The following MSRA variants were observed in gnomAD, a reference collection of about 807,000 sequenced individuals.
MSRA encodes the protein methionine sulfoxide reductase A.
A neutral mutation model predicts 31.3 loss-of-function variants in MSRA; 54 were observed. That is an observed-to-expected ratio of 1.73 (90% confidence interval 1.39 to 2.17). The LOEUF (loss-of-function observed/expected upper bound fraction) is 2.17, where lower values mean the gene tolerates loss of function less well. Ranked by LOEUF, MSRA falls within the 30% of genes most tolerant of loss-of-function variation. MSRA has a pLI of 0.00. For synonymous variants in MSRA, 169 were observed against 116.5 expected (o/e 1.45, Z -2.90); for missense variants, 507 against 300.9 (o/e 1.69, Z -5.07).
intron 5 of MSRA, among the ~76,000 whole-genome samples, chr8:10,373,603 A>G (rs1468436515): frequency 6.6e-6 from 1 of 152,234 alleles, no homozygotes; most frequent in Non-Finnish European, 1.5e-5. Flanking sequence ...GAAGCAGGGC[A>G]GGAACTGGGC....
rs1554447231 is a variant in MSRA at position 10,113,289 on chromosome 8, C to CCTTTTTTTTTTTTTTT, written c.142+58631_142+58632insCTTTTTTTTTTTTTTT. On this transcript the variant is annotated intron_variant, in intron 1 of 5. Transcript: ENST00000317173. ...AGGCATGGCTTTGGTGAAGACAGGTCTTCTTTTTTTTTTTTTTTTTTTTTT... is the reference window on the plus strand; with the variant it reads ...AGGCATGGCTTTGGTGAAGACAGGTCCTTTTTTTTTTTTTTTTTCTTTTTTTTTTTTTTTTTTTTTT... Among the ~76,000 whole-genome samples, 4 of 50,906 alleles carry CCTTTTTTTTTTTTTTT rather than the reference C, an allele frequency of 7.9e-5. No individual in the cohort carries two copies. In the Admixed American group the frequency reaches 1.2e-3, roughly 15 times the overall value. The allele number at this position is 50,906 out of a possible 152,430, so 33.4% of individuals were successfully genotyped here.
At chr8:10,081,012 G>C (rs1488206999) in intron 1 of MSRA, among the ~76,000 whole-genome samples, 1 of 152,230 alleles carries the variant, frequency 6.6e-6, no homozygotes. Flanking sequence ...GCTGAGGTTG[G>C]ATGCTAGGGA....
chr8:10,139,271 C>G (rs998161784), intron 1 of MSRA, among the ~76,000 whole-genome samples: 10 of 152,124 alleles, frequency 6.6e-5, no homozygotes, highest in Non-Finnish European at 1.5e-4. Flanking sequence ...AATAAAAGCA[C>G]TGATTTGAAT....
chr8:10,152,963 A>G (rs1019090528), intron 1 of MSRA, among the ~76,000 whole-genome samples: 2 of 152,200 alleles, frequency 1.3e-5, no homozygotes, highest in Non-Finnish European at 1.5e-5. Context: ...AGTGAAATTC[A>G]TAGAGACAGA....
At chr8:10,163,751 A>G (rs1390234414) in intron 1 of MSRA, among the ~76,000 whole-genome samples, 1 of 152,250 alleles carries the variant, frequency 6.6e-6, no homozygotes, top group Non-Finnish European at 1.5e-5. Context: ...GGCGTCATCA[A>G]AGGGGAGGAT....
chr8:10,115,447 C>T (rs1800608034), intron 1 of MSRA, among the ~76,000 whole-genome samples: 2 of 152,328 alleles, frequency 1.3e-5, no homozygotes, highest in Non-Finnish European at 2.9e-5. Flanking sequence ...CTAGCACCTT[C>T]AGAGGGAGCA....
intron 1 of MSRA, among the ~76,000 whole-genome samples, chr8:10,167,755 G>C (rs1310364412): frequency 6.6e-6 from 1 of 152,100 alleles, no homozygotes; most frequent in East Asian, 1.9e-4. Flanking sequence ...GGAGAGTTGG[G>C]TCCATGCATG....
intron 1 of MSRA, among the ~76,000 whole-genome samples, chr8:10,084,221 C>G (rs1217494859): frequency 2.0e-5 from 3 of 152,224 alleles, no homozygotes; most frequent in African/African-American, 7.2e-5. Context: ...CCTAGCGCTT[C>G]TCTTTCACAG....
At chr8:10,088,533 G>C (rs745927721) in intron 1 of MSRA, among the ~76,000 whole-genome samples, 53 of 152,124 alleles carry the variant, frequency 3.5e-4, no homozygotes, top group Non-Finnish European at 5.6e-4. Context: ...TCAGGAGTTC[G>C]AGACCAGCCC....
At chr8:10,158,586 T>A (rs1240372899) in intron 1 of MSRA, among the ~76,000 whole-genome samples, 2 of 152,268 alleles carry the variant, frequency 1.3e-5, no homozygotes, top group Admixed American at 1.3e-4. Context: ...ATTGCATGGA[T>A]GTATCCATAA....
At chr8:10,401,479 T>A (rs1249592883) in intron 5 of MSRA, among the ~76,000 whole-genome samples, 1 of 152,226 alleles carries the variant, frequency 6.6e-6, no homozygotes, top group African/African-American at 2.4e-5. Flanking sequence ...TGGTAAATGG[T>A]ACAGCCACTG....
At chr8:10,399,902 A>G (rs925763535) in intron 5 of MSRA, among the ~76,000 whole-genome samples, 5 of 152,190 alleles carry the variant, frequency 3.3e-5, no homozygotes, top group African/African-American at 9.6e-5. Context: ...TGGGGGCAGC[A>G]TGGAACTTGT....
At chr8:10,390,299 C>G (rs1284221576) in intron 5 of MSRA, among the ~76,000 whole-genome samples, 3 of 152,192 alleles carry the variant, frequency 2.0e-5, no homozygotes, top group Non-Finnish European at 4.4e-5. Flanking sequence ...CCTTGTGTTT[C>G]CTGTGCGAAA....
chr8:10,294,138 T>C (rs1284947366), intron 3 of MSRA, among the ~76,000 whole-genome samples: 2 of 151,998 alleles, frequency 1.3e-5, no homozygotes, highest in Admixed American at 6.6e-5. Context: ...GAGGTGGAGG[T>C]TCCAGTGAAC....
intron 5 of MSRA, among the ~76,000 whole-genome samples, chr8:10,389,650 G>A (rs2129178680): frequency 6.6e-6 from 1 of 152,030 alleles, no homozygotes; most frequent in South Asian, 2.1e-4. Flanking sequence ...TTGCCCTAGA[G>A]GGCGGAGGGA....
At chr8:10,150,889 G>A (rs897084443) in intron 1 of MSRA, among the ~76,000 whole-genome samples, 3 of 152,106 alleles carry the variant, frequency 2.0e-5, no homozygotes, top group African/African-American at 7.2e-5. Context: ...AGCAAGACAG[G>A]GATCTCTCAT....
intron 3 of MSRA, among the ~76,000 whole-genome samples, chr8:10,252,555 A>C (rs1797972752): frequency 6.6e-6 from 1 of 152,212 alleles, no homozygotes; most frequent in African/African-American, 2.4e-5. Context: ...CCCAGGACTT[A>C]GGACTAAGAA....
intron 3 of MSRA, among the ~76,000 whole-genome samples, chr8:10,286,363 C>G (rs923904599): frequency 2.6e-5 from 4 of 152,154 alleles, no homozygotes; most frequent in Admixed American, 1.3e-4. Context: ...GAATAAGTCT[C>G]ACGAGATCTC....
intron 1 of MSRA, among the ~76,000 whole-genome samples, chr8:10,174,064 A>G (rs1805831806): frequency 6.6e-6 from 1 of 152,144 alleles, no homozygotes; most frequent in Non-Finnish European, 1.5e-5. Flanking sequence ...ATGGCAAAGT[A>G]TTAGTGGAGG....
Sources: allele counts gnomAD v4.1 joint callset (sites outside exome capture counted in the v4.1 genomes callset), GRCh38; gene constraint gnomAD v4.1.1; transcripts MANE v1.5; gene names NCBI Gene and HGNC (gene_info 2026-07-23, HGNC 2026-07-21).